Variants in PCDHGB5 observed in about 807,000 individuals in gnomAD.
PCDHGB5 encodes the protein protocadherin gamma-B5.
In PCDHGB5, 48 loss-of-function variants were observed where a neutral mutation model predicts 62.9. That is an observed-to-expected ratio of 0.76 (90% confidence interval 0.61 to 0.97). The LOEUF is 0.97. Among genes scored for constraint, PCDHGB5 ranks in the 50% least tolerant of loss-of-function variants. The pLI is 0.00. For missense variants in PCDHGB5, 1,118 were observed against 1,198.6 expected (o/e 0.93, Z 0.99); for synonymous variants, 474 against 511.2 (o/e 0.93, Z 0.98).
chr5:141,415,686 G>T, intron 1 of PCDHGB5: 2 of 1,535,424 alleles, frequency 1.3e-6, no homozygotes, highest in Middle Eastern at 1.7e-4. Flanking sequence ...GCGGCATGAT[G>T]GTGGAAAGTG....
At chr5:141,406,025 G>A (rs1367856742) in intron 1 of PCDHGB5, among the ~76,000 whole-genome samples, 1 of 151,502 alleles carries the variant, frequency 6.6e-6, no homozygotes, top group Non-Finnish European at 1.5e-5. Flanking sequence ...TTTTGGGTAG[G>A]GTTGCTTCAT....
At chr5:141,494,569 T>G (rs1341706026) in intron 1 of PCDHGB5, among the ~76,000 whole-genome samples, 2 of 152,190 alleles carry the variant, frequency 1.3e-5, no homozygotes, top group Non-Finnish European at 2.9e-5. Flanking sequence ...GAAAGGAGTC[T>G]CAGCTTGCTC....
chr5:141,427,905 A>G (rs754321006), intron 1 of PCDHGB5: 1 of 1,574,682 alleles, frequency 6.4e-7, no homozygotes, highest in South Asian at 1.1e-5. Context: ...GCCCGCGCTC[A>G]GCGCCAACAT....
At chr5:141,457,230 A>G (rs1248092452) in intron 1 of PCDHGB5, among the ~76,000 whole-genome samples, 2 of 152,174 alleles carry the variant, frequency 1.3e-5, no homozygotes, top group African/African-American at 4.8e-5. Flanking sequence ...GGTAATTTCC[A>G]TCTAAAATTT....
intron 2 of PCDHGB5, among the ~76,000 whole-genome samples, chr5:141,495,377 G>A (rs558501090): frequency 1.9e-4 from 29 of 152,330 alleles, no homozygotes; most frequent in Admixed American, 6.5e-4. Flanking sequence ...ACTGAGGAAG[G>A]ACTGGGCGGG....
In PCDHGB5 at chr5:141,399,341, C is replaced by T; in HGVS notation, c.1214C>T (p.Thr405Ile). Residue 405 changes from threonine (T) to isoleucine (I), a missense_variant, in exon 1 of 4, where the codon ACC becomes ATC. By Grantham distance (89) the Thr-to-Ile change is moderately conservative. Transcript: ENST00000617380. ...TCGTATAAGTTGGTAACAGATGGAACCCTAGACCGAGAGCAAACCCCGGAG... is the reference window on the plus strand; with the variant it reads ...TCGTATAAGTTGGTAACAGATGGAATCCTAGACCGAGAGCAAACCCCGGAG... Reference protein sequence around the residue: ...KNSYKLVTDGTLDREQTPEYN... With the variant: ...KNSYKLVTDGILDREQTPEYN... 2 of 1,613,938 alleles carry T rather than the reference C, an allele frequency of 1.2e-6. No homozygotes were observed. The highest frequency in any genetic ancestry group is 1.7e-6 in the Non-Finnish European group (2 of 1,179,906).
rs1354607645 is a variant in PCDHGB5, at chr5:141,433,848, A to C, written c.2397+33324A>C. Among the ~76,000 whole-genome samples, 4 of 152,082 alleles carry C rather than the reference A, an allele frequency of 2.6e-5. No individual in the cohort carries two copies. In the East Asian group the frequency reaches 5.8e-4, roughly 22 times the overall value. ...GTGAAACTCTATCTCAAAAAAAAAA[A>C]AAAAAAACTTTATCCTCTAGTTTCA... On this transcript the variant is annotated intron_variant, in intron 1 of 3. Coordinates refer to ENST00000617380, the MANE Select transcript of PCDHGB5 (RefSeq NM_018925.3).
rs754728562 is a variant in PCDHGB5, at chr5:141,489,487, G to A, written c.2398-5320G>A. 6.2e-7 allele frequency: 1 copy of A among 1,613,942 alleles called. No individual in the cohort carries two copies. On this transcript the variant is annotated intron_variant, in intron 1 of 3. Coordinates refer to ENST00000617380, the MANE Select transcript of PCDHGB5 (RefSeq NM_018925.3). This position sits in a 1 kb window ranked among gnomAD's most constrained non-coding sequence, Gnocchi z 4.5. The stretch of plus-strand genomic sequence containing the variant: ...TTTTTCCCTGAGCTTGATGAGTGGT[G>A]CCCTGGCAGTGAATCAAAAGATTGA...
At chr5:141,408,851 G>C in intron 1 of PCDHGB5, 1 of 1,613,574 alleles carries the variant, frequency 6.2e-7, no homozygotes, top group Non-Finnish European at 8.5e-7. Flanking sequence ...TGCCTTGGAC[G>C]GAGGGGACCC....
chr5:141,400,867 C>A (rs1005203103), intron 1 of PCDHGB5, among the ~76,000 whole-genome samples: 37 of 152,162 alleles, frequency 2.4e-4, no homozygotes, highest in African/African-American at 8.9e-4. Context: ...TGTAGATAAA[C>A]CATTAAATTT....
At chr5:141,506,636 C>T (rs1421676205) in intron 3 of PCDHGB5, among the ~76,000 whole-genome samples, 2 of 152,020 alleles carry the variant, frequency 1.3e-5, no homozygotes, top group South Asian at 2.1e-4. Context: ...AATGCAAGTC[C>T]CTCAGCACAG....
At position 141,431,270 on chromosome 5, in the gene PCDHGB5, G is replaced by C. The variant is rs369177310; in HGVS notation, c.2397+30746G>C. 1.2e-5 allele frequency: 19 copies of C among 1,613,996 alleles called. No homozygotes were observed. Among genetic ancestry groups the C allele is most frequent in the Non-Finnish European group, 1.5e-5 (18 of 1,180,018 alleles). ...CGGGAAGAACTCTCTGCAGAGCTAC[G>C]AGCTCAGCCCGAACACTCACTTCTC... is the stretch of plus-strand genomic sequence containing the variant. On this transcript the variant is annotated intron_variant, in intron 1 of 3. Coordinates refer to ENST00000617380, the MANE Select transcript of PCDHGB5 (RefSeq NM_018925.3). This position sits in a 1 kb window ranked among gnomAD's most constrained non-coding sequence, Gnocchi z 4.8.
rs775731140 is a variant in PCDHGB5 at position 141,399,985 on chromosome 5, G to A, written c.1858G>A (p.Gly620Arg). ...PGLFSLGLRT[G>R]EVRTARALGD... Reference sequence around the variant, plus strand: ...GCTCTTCAGCCTGGGGCTGCGCACAGGAGAGGTGCGCACAGCGCGTGCCTT... The same window carrying A: ...GCTCTTCAGCCTGGGGCTGCGCACAAGAGAGGTGCGCACAGCGCGTGCCTT... Residue 620 changes from glycine to arginine, a missense_variant, in exon 1 of 4, where the codon GGA becomes AGA. Gly to Arg is a moderately radical substitution (Grantham distance 125). Coordinates refer to ENST00000617380, the MANE Select transcript of PCDHGB5 (RefSeq NM_018925.3). The A allele has an allele frequency of 6.2e-7, 1 of 1,612,396 alleles. No individual in the cohort carries two copies. The highest frequency in any genetic ancestry group is 1.1e-5 in the South Asian group (1 of 90,992).
Position 141,487,928 on chromosome 5 carries a change from A to G in PCDHGB5, c.2398-6879A>G. Reference sequence around the variant, plus strand: ...GGGAGCACAGGAGGCTACAGTGCACAGGGTACAGTGCACCAGGCAGTCACT... The same window carrying G: ...GGGAGCACAGGAGGCTACAGTGCACGGGGTACAGTGCACCAGGCAGTCACT... On this transcript the variant is annotated intron_variant, in intron 1 of 3. Transcript: ENST00000617380. The surrounding 1 kb of genome is among the most constrained non-coding windows in gnomAD (Gnocchi z 5.0). The G allele has an allele frequency of 3.2e-6, 2 of 620,886 alleles. No homozygotes were observed. The highest frequency in any genetic ancestry group is 5.6e-6 in the Non-Finnish European group (2 of 355,916). The allele number at this position is 620,886 out of a possible 1,614,324, so 38.5% of individuals were successfully genotyped here. A position where few individuals can be genotyped will look rare whatever the true frequency, so the allele number is the denominator to read the frequency against.
rs2097422953 is a variant in PCDHGB5 at position 141,431,840 on chromosome 5, C to A, written c.2397+31316C>A. The A allele has an allele frequency of 1.9e-6, 3 of 1,614,248 alleles. No homozygotes were observed. The highest frequency in any genetic ancestry group is 1.6e-4 in the Middle Eastern group (1 of 6,062). ...CGCCAGCTCGGTTCCCGAAAACTCT[C>A]CCAGAGGGACATTAATTGCCCTTTT... On this transcript the variant is annotated intron_variant, in intron 1 of 3. Transcript: ENST00000617380. The surrounding 1 kb of genome is among the most constrained non-coding windows in gnomAD (Gnocchi z 4.8).
At chr5:141,503,675 T>C (rs1233495836) in intron 2 of PCDHGB5, among the ~76,000 whole-genome samples, 1 of 152,104 alleles carries the variant, frequency 6.6e-6, no homozygotes. Flanking sequence ...CTTCCCACTT[T>C]TGGGAAGGAG....
chr5:141,464,402 G>GAT (rs1039725208), intron 1 of PCDHGB5, among the ~76,000 whole-genome samples: 22 of 150,720 alleles, frequency 1.5e-4, no homozygotes, highest in Admixed American at 7.3e-4. Context: ...AAGAACCTGA[G>GAT]ATATATATAT....
At chr5:141,458,899 T>A (rs1398965632) in intron 1 of PCDHGB5, among the ~76,000 whole-genome samples, 2 of 152,106 alleles carry the variant, frequency 1.3e-5, no homozygotes, top group African/African-American at 2.4e-5. Context: ...GCGCAGCTAA[T>A]TTTTTCTATT....
intron 1 of PCDHGB5, among the ~76,000 whole-genome samples, chr5:141,434,409 T>G (rs2097692930): frequency 6.6e-6 from 1 of 152,232 alleles, no homozygotes; most frequent in South Asian, 2.1e-4. Context: ...TCTGCAGCAC[T>G]GTGACATGTT....
Sources: allele counts gnomAD v4.1 joint callset (sites outside exome capture counted in the v4.1 genomes callset), GRCh38; gene constraint gnomAD v4.1.1; non-coding constraint Gnocchi (gnomAD v3.1); transcripts MANE v1.5; gene names NCBI Gene and HGNC (gene_info 2026-07-23, HGNC 2026-07-21).